HFM1: variants seen among roughly 807,000 people sequenced by gnomAD.
HFM1 encodes helicase for meiosis 1.
In HFM1, 169 loss-of-function variants were observed where a neutral mutation model predicts 192.1. The ratio of observed to expected loss-of-function variants is 0.88; its 90% confidence interval spans 0.78 to 1.00. The LOEUF (loss-of-function observed/expected upper bound fraction) is 1.00, where lower values mean the gene tolerates loss of function less well. HFM1 is among the 50% of genes least tolerant of loss of function. The pLI is 0.00. For missense variants in HFM1, 1,661 were observed against 1,668.0 expected, an observed-to-expected ratio of 1.00 and a Z score of 0.07; for synonymous variants, 525 against 537.8, an observed-to-expected ratio of 0.98 and a Z score of 0.33.
intron 22 of HFM1, 45 bp from the exon 23 acceptor site, chr1:91,323,042 T>A: frequency 7.6e-7 from 1 of 1,318,046 alleles, no homozygotes; most frequent in Non-Finnish European, 1.0e-6. Context: ...TTATTTATTT[T>A]AATTAAATAA....
intron 30 of HFM1, among the ~76,000 whole-genome samples, chr1:91,277,899 T>TTA (rs60619650): frequency 0.32 from 36,240 of 112,240 alleles, 7,801 homozygotes; most frequent in African/African-American, 0.35. Flanking sequence ...TTATATATGC[T>TTA]TATATATAAT....
In HFM1 at chr1:91,317,958, CT is replaced by C. The variant is rs547851695; in HGVS notation, c.2812+1119del. 8.5e-4 allele frequency among the ~76,000 whole-genome samples: 130 copies of C among 152,068 alleles called. No individual in the cohort carries two copies. In the Middle Eastern group the frequency reaches 0.01, roughly 12 times the overall value. On this transcript the variant is annotated intron_variant, in intron 25 of 38. Transcript: ENST00000370425. ...GTGAAAACAGGTTAGTTTCAACAAT[CT>C]GGAAGGGACAGAATGCAATGGATGC...
At chr1:91,403,065 C>T (rs1396427730) in intron 1 of HFM1, among the ~76,000 whole-genome samples, 1 of 150,282 alleles carries the variant, frequency 6.7e-6, no homozygotes, top group Non-Finnish European at 1.5e-5. Flanking sequence ...TGAAAAAACA[C>T]CCCTTATCTA....
intron 9 of HFM1, 50 bp from the exon 10 acceptor site, chr1:91,378,530 A>G (rs1661191585): frequency 9.2e-7 from 1 of 1,091,990 alleles, no homozygotes; most frequent in Non-Finnish European, 1.4e-6. Context: ...AAGGAATTAT[A>G]ATAAATATTA....
intron 21 of HFM1, 146 bp from the exon 22 acceptor site, chr1:91,323,345 C>T (rs1652412864): frequency 5.2e-6 from 3 of 571,646 alleles, no homozygotes; most frequent in Non-Finnish European, 6.0e-6. Context: ...CTGCTTTATA[C>T]ATTTTGCTTC....
rs757572189 is a variant in HFM1, at chr1:91,378,406, A to G, written c.1233T>C (p.Asp411=). The G allele has an allele frequency of 1.9e-6, 3 of 1,594,678 alleles. No individual in the cohort carries two copies. The highest frequency in any genetic ancestry group is 1.7e-5 in the Admixed American group (1 of 59,612). Residue 411 remains aspartate, a synonymous_variant, in exon 10 of 39, where the codon GAT becomes GAC. Transcript: ENST00000370425. ...TGAAAGCGAATGCATTCATTACCTCATCAATGAGAAACAGTCGAACCAGCT... is the reference window on the plus strand; with the variant it reads ...TGAAAGCGAATGCATTCATTACCTCGTCAATGAGAAACAGTCGAACCAGCT... The part of the protein sequence containing the change: ...LVQLVRLFLI[D]EVHIVKDENR...
chr1:91,284,376 G>A (rs953538164), intron 30 of HFM1, among the ~76,000 whole-genome samples: 6 of 151,882 alleles, frequency 4.0e-5, no homozygotes, highest in East Asian at 1.9e-4. Flanking sequence ...CGAGTAGCTC[G>A]TATTACATGG....
intron 11 of HFM1, 113 bp downstream of exon 11, chr1:91,377,912 T>C (rs1661089406): frequency 1.1e-6 from 1 of 922,804 alleles, no homozygotes; most frequent in South Asian, 1.5e-5. Context: ...TTCTACAACA[T>C]ACTTTCCTAT....
At chr1:91,296,873 A>G (rs1647675447) in intron 30 of HFM1, among the ~76,000 whole-genome samples, 1 of 152,210 alleles carries the variant, frequency 6.6e-6, no homozygotes, top group African/African-American at 2.4e-5. Context: ...AGCGATGCAG[A>G]AGACAGGTGA....
Position 91,316,404 on chromosome 1 carries a change from C to T in HFM1, c.2885G>A (p.Arg962Lys). ...SFKKIEETDARELELILNRHP... is the reference protein window; with the variant it reads ...SFKKIEETDAKELELILNRHP... ...GAATATAACTACCAATTCAAGTTCCCTTGCATCTGTCTCTTCTATTTTTTT... is the reference window on the plus strand; with the variant it reads ...GAATATAACTACCAATTCAAGTTCCTTTGCATCTGTCTCTTCTATTTTTTT... The change falls in exon 26 of 39, where the codon AGG (arginine) becomes AAG (lysine). Residue 962 changes from arginine (R) to lysine (K), a missense_variant. Arg to Lys is a conservative substitution (Grantham distance 26). Transcript: ENST00000370425. The T allele has an allele frequency of 6.4e-7, 1 of 1,564,850 alleles. No individual in the cohort carries two copies. Among genetic ancestry groups the T allele is most frequent in the Non-Finnish European group, 8.7e-7 (1 of 1,145,176 alleles).
intron 2 of HFM1, among the ~76,000 whole-genome samples, chr1:91,400,559 G>A (rs1338131102): frequency 6.7e-6 from 1 of 150,240 alleles, no homozygotes; most frequent in African/African-American, 2.5e-5. Flanking sequence ...TTAGCTCACT[G>A]CAACCTCCGC....
At chr1:91,346,763 C>A (rs1217229705) in intron 19 of HFM1, among the ~76,000 whole-genome samples, 1 of 152,038 alleles carries the variant, frequency 6.6e-6, no homozygotes, top group African/African-American at 2.4e-5. Flanking sequence ...ACATCTTTGG[C>A]ACAGGTTGGG....
At chr1:91,353,652 CAAAA>C (rs1553213572) in intron 13 of HFM1, among the ~76,000 whole-genome samples, 8 of 65,438 alleles carry the variant, frequency 1.2e-4, no homozygotes, top group African/African-American at 3.6e-4. Context: ...AGTAAATAAG[CAAAA>C]AAAAAAAAAA....
At chr1:91,400,379 C>T (rs1557539117) in intron 2 of HFM1, among the ~76,000 whole-genome samples, 1 of 152,184 alleles carries the variant, frequency 6.6e-6, no homozygotes, top group Non-Finnish European at 1.5e-5. Flanking sequence ...CATTCCTTGT[C>T]CTGAGCTACT....
chr1:91,293,413 G>T (rs2100957823), intron 30 of HFM1, among the ~76,000 whole-genome samples: 1 of 152,222 alleles, frequency 6.6e-6, no homozygotes, highest in South Asian at 2.1e-4. Context: ...CTTCTCAAAA[G>T]AAGACATTTA....
intron 20 of HFM1, among the ~76,000 whole-genome samples, chr1:91,341,763 C>A (rs1655368802): frequency 6.6e-6 from 1 of 151,412 alleles, no homozygotes; most frequent in Non-Finnish European, 1.5e-5. Flanking sequence ...ATACGACCAC[C>A]AATCTCACAG....
intron 30 of HFM1, among the ~76,000 whole-genome samples, chr1:91,291,616 C>T (rs568400326): frequency 1.3e-5 from 2 of 152,122 alleles, no homozygotes; most frequent in African/African-American, 4.8e-5. Flanking sequence ...CGAATTCTAC[C>T]AGAGGTACAA....
At chr1:91,342,167 C>G (rs1225902299) in intron 20 of HFM1, among the ~76,000 whole-genome samples, 1 of 132,760 alleles carries the variant, frequency 7.5e-6, no homozygotes, top group African/African-American at 2.8e-5. Flanking sequence ...GCGAATATTC[C>G]TGATGAACAT....
chr1:91,319,483 T>C, intron 23 of HFM1, 93 bp from the exon 24 acceptor site: 1 of 754,956 alleles, frequency 1.3e-6, no homozygotes, highest in East Asian at 2.6e-5. Context: ...TTCTTAAAAC[T>C]TTTCTCTGCC....
Sources: gnomAD v4.1 joint callset for allele counts (sites outside exome capture counted in the v4.1 genomes callset) on GRCh38, gnomAD v4.1.1 for gene constraint, MANE v1.5 for transcripts, NCBI Gene and HGNC (gene_info 2026-07-23, HGNC 2026-07-21) for gene names.